The following PTPRD variants were observed in gnomAD, a reference collection of about 807,000 sequenced individuals.
PTPRD encodes the protein protein tyrosine phosphatase receptor type D.
In PTPRD, 34 loss-of-function variants were observed where a neutral mutation model predicts 214.5. That is an observed-to-expected ratio of 0.16 (90% CI 0.12 to 0.21). The LOEUF (loss-of-function observed/expected upper bound fraction) is 0.21, where lower values mean the gene tolerates loss of function less well. Among genes scored for constraint, PTPRD ranks in the 10% least tolerant of loss-of-function variants. The pLI, the probability that PTPRD is intolerant of heterozygous loss-of-function variation, is 1.00. For missense variants in PTPRD, 2,545 were observed against 2,398.7 expected (o/e 1.06, Z -1.27); for synonymous variants, 1,128 against 845.7 (o/e 1.33, Z -5.79).
chr9:10,128,600 C>T (rs2098836766), intron 3 of PTPRD, among the ~76,000 whole-genome samples: 2 of 152,154 alleles, frequency 1.3e-5, no homozygotes, highest in Admixed American at 1.3e-4. Flanking sequence ...GTTGTTTAAG[C>T]CACCCATATT....
At chr9:10,257,115 G>A (rs2093343192) in intron 3 of PTPRD, among the ~76,000 whole-genome samples, 1 of 152,078 alleles carries the variant, frequency 6.6e-6, no homozygotes, top group African/African-American at 2.4e-5. Flanking sequence ...TTGAGTGGCT[G>A]GCATAATGCT....
chr9:9,164,716 A>T (rs567521139), intron 10 of PTPRD, among the ~76,000 whole-genome samples: 1 of 152,194 alleles, frequency 6.6e-6, no homozygotes, highest in East Asian at 1.9e-4. Flanking sequence ...TTTCTTTTTT[A>T]AAAAATTTCT....
At chr9:9,390,989 G>C (rs551184417) in intron 9 of PTPRD, among the ~76,000 whole-genome samples, 86 of 152,254 alleles carry the variant, frequency 5.6e-4, no homozygotes, top group African/African-American at 1.9e-3. Flanking sequence ...AAGATATCTT[G>C]ATAAGATAGT....
intron 8 of PTPRD, among the ~76,000 whole-genome samples, chr9:9,536,005 T>A (rs74415163): frequency 6.6e-6 from 1 of 152,064 alleles, no homozygotes; most frequent in African/African-American, 2.4e-5. Flanking sequence ...CATATCAACA[T>A]AAATATTCAG....
In PTPRD at chr9:9,244,199, T is replaced by G. The variant is rs184048767; in HGVS notation, c.-202-60836A>C. Reference sequence around the variant, plus strand: ...ATAGGAAGAATCAATATCGTGAAAATGGCCATACTGCCCAAGGTAATTTAT... The same window carrying G: ...ATAGGAAGAATCAATATCGTGAAAAGGGCCATACTGCCCAAGGTAATTTAT... On this transcript the variant is annotated intron_variant, in intron 9 of 45. Coordinates refer to ENST00000381196, the MANE Select transcript of PTPRD (RefSeq NM_002839.4). 9.6e-3 allele frequency among the ~76,000 whole-genome samples: 1,461 copies of G among 152,184 alleles called. 25 individuals carry two copies. The highest frequency in any genetic ancestry group is 0.033 in the African/African-American group (1,371 of 41,492).
intron 7 of PTPRD, among the ~76,000 whole-genome samples, chr9:9,638,699 C>T (rs2095847845): frequency 6.6e-6 from 1 of 152,178 alleles, no homozygotes. Context: ...GTTAAGGCAA[C>T]AGGCCACTTC....
intron 3 of PTPRD, among the ~76,000 whole-genome samples, chr9:10,330,550 G>C (rs2096730238): frequency 6.6e-6 from 1 of 151,736 alleles, no homozygotes. Flanking sequence ...AAAGTTTCTT[G>C]ATGCATACTG....
intron 4 of PTPRD, among the ~76,000 whole-genome samples, chr9:9,976,829 C>A (rs1012147798): frequency 6.6e-6 from 1 of 151,152 alleles, no homozygotes; most frequent in African/African-American, 2.4e-5. Context: ...CCTGAGTTGT[C>A]TGTAGGAGTG....
At position 8,835,380 on chromosome 9, in the gene PTPRD, A is replaced by C. The variant is rs1219144282; in HGVS notation, c.-103-101434T>G. On this transcript the variant is annotated intron_variant, in intron 11 of 45. Coordinates refer to ENST00000381196, the MANE Select transcript of PTPRD (RefSeq NM_002839.4). The stretch of plus-strand genomic sequence containing the variant: ...TAACGCACCCAAGCACCAAGCACCA[A>C]GGTCTCTACTAAACTCTTCTTGCCC... 2.0e-5 allele frequency among the ~76,000 whole-genome samples: 3 copies of C among 152,212 alleles called. No individual in the cohort carries two copies. In the East Asian group the frequency reaches 5.8e-4, roughly 29 times the overall value.
intron 2 of PTPRD, among the ~76,000 whole-genome samples, chr9:10,449,926 A>G (rs1279036189): frequency 1.3e-5 from 2 of 151,656 alleles, no homozygotes; most frequent in Admixed American, 1.3e-4. Flanking sequence ...GGATGCTGTT[A>G]ATCTATAACC....
At chr9:8,830,528 G>C (rs113660282) in intron 11 of PTPRD, among the ~76,000 whole-genome samples, 140 of 152,184 alleles carry the variant, frequency 9.2e-4, no homozygotes, top group African/African-American at 3.2e-3. Flanking sequence ...GAGGTTTCAA[G>C]CACAATTAAG....
At chr9:9,265,626 A>G (rs532237810) in intron 9 of PTPRD, among the ~76,000 whole-genome samples, 3 of 151,692 alleles carry the variant, frequency 2.0e-5, no homozygotes, top group African/African-American at 7.2e-5. Flanking sequence ...GAATGCAAGT[A>G]AAGTTGTTAT....
chr9:9,469,180 G>C (rs1035739826), intron 8 of PTPRD, among the ~76,000 whole-genome samples: 1 of 152,116 alleles, frequency 6.6e-6, no homozygotes, highest in African/African-American at 2.4e-5. Flanking sequence ...TTATGTATAA[G>C]TTGAAATGCT....
At chr9:8,947,260 A>G (rs1302316511) in intron 11 of PTPRD, among the ~76,000 whole-genome samples, 3 of 151,496 alleles carry the variant, frequency 2.0e-5, no homozygotes, top group African/African-American at 7.3e-5. Flanking sequence ...TCAGGAGATC[A>G]AGACCATCCT....
intron 14 of PTPRD, among the ~76,000 whole-genome samples, chr9:8,602,627 T>G (rs984403822): frequency 2.6e-5 from 4 of 152,232 alleles, no homozygotes; most frequent in African/African-American, 9.6e-5. Context: ...CTCTTTGTAA[T>G]AGTCTCATGT....
At chr9:8,701,058 C>T (rs57272088) in intron 12 of PTPRD, among the ~76,000 whole-genome samples, 8,282 of 151,822 alleles carry the variant, frequency 0.055, 773 homozygotes, top group African/African-American at 0.19. Flanking sequence ...CTACTCAGGA[C>T]GCTGAGGCAG....
intron 35 of PTPRD, among the ~76,000 whole-genome samples, chr9:8,410,073 C>T (rs554115437): frequency 6.6e-5 from 10 of 152,266 alleles, no homozygotes; most frequent in Admixed American, 1.3e-4. Context: ...GCAATTATGC[C>T]TTTTAAAATT....
intron 3 of PTPRD, among the ~76,000 whole-genome samples, chr9:10,304,978 T>A (rs2096009278): frequency 6.6e-6 from 1 of 152,138 alleles, no homozygotes; most frequent in South Asian, 2.1e-4. Context: ...AGAACAAAGC[T>A]GGAGGCATCA....
chr9:9,833,473 C>T (rs1209828727), intron 5 of PTPRD, among the ~76,000 whole-genome samples: 1 of 151,828 alleles, frequency 6.6e-6, no homozygotes, highest in African/African-American at 2.4e-5. Flanking sequence ...GACCACAGGA[C>T]CGAGGCGAAA....
Sources: gnomAD v4.1 joint callset for allele counts (sites outside exome capture counted in the v4.1 genomes callset) on GRCh38, gnomAD v4.1.1 for gene constraint, MANE v1.5 for transcripts, NCBI Gene and HGNC (gene_info 2026-07-23, HGNC 2026-07-21) for gene names.